Variants in PKIG observed in about 807,000 individuals in gnomAD.
The protein encoded by PKIG is cAMP-dependent protein kinase inhibitor gamma.
PKIG carries 1 observed loss-of-function variant against 6.8 expected under a neutral mutation model. The ratio of observed to expected loss-of-function variants is 0.15; its 90% CI spans 0.05 to 0.69. PKIG has a LOEUF of 0.69. Among genes scored for constraint, PKIG ranks in the 30% least tolerant of loss-of-function variants. PKIG has a pLI of 0.82. For missense variants in PKIG, 77 were observed against 104.0 expected (o/e 0.74, Z 1.13); for synonymous variants, 39 against 43.0 (o/e 0.91, Z 0.36).
At chr20:44,575,662 G>A (rs1406308404) in intron 1 of PKIG, among the ~76,000 whole-genome samples, 1 of 152,170 alleles carries the variant, frequency 6.6e-6, no homozygotes, top group African/African-American at 2.4e-5. Flanking sequence ...GTTAGACTGA[G>A]GGCCCTTCAC....
At chr20:44,607,359 G>GTGTATA (rs1555840454) in intron 2 of PKIG, among the ~76,000 whole-genome samples, 1 of 128,990 alleles carries the variant, frequency 7.8e-6, no homozygotes, top group African/African-American at 3.1e-5. Context: ...GTGTGTGTGT[G>GTGTATA]TATATATATA....
At chr20:44,536,508 TG>T (rs1240100775) in intron 1 of PKIG, among the ~76,000 whole-genome samples, 2 of 152,142 alleles carry the variant, frequency 1.3e-5, no homozygotes, top group Non-Finnish European at 2.9e-5. Flanking sequence ...CAACAGGACT[TG>T]ACCAACAAGA....
chr20:44,543,316 CTT>C (rs573482153), intron 1 of PKIG, among the ~76,000 whole-genome samples: 10 of 144,230 alleles, frequency 6.9e-5, no homozygotes, highest in Middle Eastern at 3.6e-3. Context: ...ATACAGTAAA[CTT>C]TTTTTTTTTT....
chr20:44,559,525 T>G (rs531971640), intron 1 of PKIG, among the ~76,000 whole-genome samples: 2 of 152,338 alleles, frequency 1.3e-5, no homozygotes, highest in Admixed American at 1.3e-4. Context: ...CAGGCCAGTA[T>G]GTTGCCATCA....
chr20:44,555,772 C>T (rs983295177), intron 1 of PKIG, among the ~76,000 whole-genome samples: 2 of 152,050 alleles, frequency 1.3e-5, no homozygotes, highest in Non-Finnish European at 2.9e-5. Context: ...CAAGAAAATA[C>T]TTGTGTGATA....
intron 1 of PKIG, among the ~76,000 whole-genome samples, chr20:44,541,695 C>CTTTTTTTTT (rs554662358): frequency 7.4e-6 from 1 of 134,778 alleles, no homozygotes. Flanking sequence ...TCTTTAGGTT[C>CTTTTTTTTT]TTTTTTTTTT....
chr20:44,557,157 T>C (rs1407430604), intron 1 of PKIG, among the ~76,000 whole-genome samples: 6 of 152,220 alleles, frequency 3.9e-5, no homozygotes, highest in Non-Finnish European at 7.3e-5. Context: ...TTTCATTTCT[T>C]TGTACTATTT....
intron 1 of PKIG, among the ~76,000 whole-genome samples, chr20:44,541,362 C>G (rs906804727): frequency 6.6e-6 from 1 of 152,064 alleles, no homozygotes; most frequent in African/African-American, 2.4e-5. Context: ...AACCATAGTT[C>G]ATTGCCACTT....
intron 1 of PKIG, among the ~76,000 whole-genome samples, chr20:44,583,730 A>G (rs1649688684): frequency 6.6e-6 from 1 of 152,212 alleles, no homozygotes; most frequent in African/African-American, 2.4e-5. Context: ...TGAGGGGACA[A>G]AACTAGATGA....
rs1555835144 is a variant in PKIG, at chr20:44,558,574, T to TCTTTTTTTCTTTCTTTCTTTCTTTC, written c.-240-24011_-240-24010insCTTTTTTTCTTTCTTTCTTTCTTTC. Among the ~76,000 whole-genome samples, 553 of 131,998 alleles carry TCTTTTTTTCTTTCTTTCTTTCTTTC rather than the reference T, an allele frequency of 4.2e-3. 13 individuals are homozygous for TCTTTTTTTCTTTCTTTCTTTCTTTC. Among genetic ancestry groups the TCTTTTTTTCTTTCTTTCTTTCTTTC allele is most frequent in the African/African-American group, 0.016 (534 of 32,424 alleles). 86.6% of individuals were successfully genotyped at this position (131,998 alleles called of 152,430 possible). On this transcript the variant is annotated intron_variant, in intron 1 of 4. Coordinates refer to the PKIG transcript ENST00000372887. ...ATTTCTTTTTCTTTCTTTTTTTCTT[T>TCTTTTTTTCTTTCTTTCTTTCTTTC]TTTCTTTCTTTCTTTCTTTCTTTCT... is the stretch of plus-strand genomic sequence containing the variant.
At chr20:44,559,556 G>T (rs1025992615) in intron 1 of PKIG, among the ~76,000 whole-genome samples, 2 of 152,126 alleles carry the variant, frequency 1.3e-5, no homozygotes, top group African/African-American at 4.8e-5. Flanking sequence ...ACACTGTCAG[G>T]AATAAATTCC....
intron 1 of PKIG, among the ~76,000 whole-genome samples, chr20:44,550,842 C>T (rs1178076518): frequency 6.6e-6 from 1 of 152,026 alleles, no homozygotes; most frequent in East Asian, 1.9e-4. Context: ...TTAATGAGGG[C>T]CAGATTTCCC....
chr20:44,552,349 A>G (rs1487695163), intron 1 of PKIG, among the ~76,000 whole-genome samples: 1 of 152,190 alleles, frequency 6.6e-6, no homozygotes, highest in African/African-American at 2.4e-5. Flanking sequence ...CATATGTTTC[A>G]GTAGTAATTT....
chr20:44,548,893 C>T (rs904672720), intron 1 of PKIG, among the ~76,000 whole-genome samples: 10 of 145,000 alleles, frequency 6.9e-5, no homozygotes, highest in Admixed American at 6.8e-5. Context: ...CACACACACA[C>T]ACACACACAC....
intron 1 of PKIG, among the ~76,000 whole-genome samples, chr20:44,532,304 C>G (rs918586480): frequency 6.6e-6 from 1 of 152,176 alleles, no homozygotes; most frequent in Non-Finnish European, 1.5e-5. Flanking sequence ...GTGTGTGACT[C>G]TTCTGGGGCC....
chr20:44,542,187 G>A (rs1454951000), intron 1 of PKIG, among the ~76,000 whole-genome samples: 2 of 152,170 alleles, frequency 1.3e-5, no homozygotes, highest in Non-Finnish European at 2.9e-5. Context: ...ATGATGAGAA[G>A]AACAAGAACT....
chr20:44,605,803 T>C (rs1449638450), intron 2 of PKIG, among the ~76,000 whole-genome samples: 1 of 152,014 alleles, frequency 6.6e-6, no homozygotes, highest in Non-Finnish European at 1.5e-5. Flanking sequence ...TCCCAGCTTC[T>C]CAGGAAGCTA....
intron 1 of PKIG, among the ~76,000 whole-genome samples, chr20:44,589,261 C>G (rs1241441394): frequency 6.6e-6 from 1 of 151,932 alleles, no homozygotes; most frequent in Non-Finnish European, 1.5e-5. Context: ...TGCTTGAGGC[C>G]AGGAGTTTGA....
intron 3 of PKIG, among the ~76,000 whole-genome samples, chr20:44,618,010 C>T (rs1040898111): frequency 6.6e-6 from 1 of 152,196 alleles, no homozygotes; most frequent in Non-Finnish European, 1.5e-5. Context: ...AAGCAACCTT[C>T]AAGAGCCCTT....
Sources: allele counts gnomAD v4.1 joint callset (sites outside exome capture counted in the v4.1 genomes callset), GRCh38; gene constraint gnomAD v4.1.1; transcripts MANE v1.5; gene names NCBI Gene and HGNC (gene_info 2026-07-23, HGNC 2026-07-21).